SV2C: variants seen among roughly 807,000 people sequenced by gnomAD.
SV2C encodes synaptic vesicle glycoprotein 2C.
A neutral mutation model predicts 79.7 loss-of-function variants in SV2C; 49 were observed. The observed-to-expected ratio is 0.61, with a 90% CI of 0.49 to 0.78. SV2C has a LOEUF of 0.78. SV2C is among the 30% of genes least tolerant of loss of function. The pLI, the probability that SV2C is intolerant of heterozygous loss-of-function variation, is 0.00. For missense variants in SV2C, 833 were observed against 912.9 expected (o/e 0.91, Z 1.13); for synonymous variants, 334 against 333.2 (o/e 1.00, Z -0.03).
the SV2C span, among the ~76,000 whole-genome samples, chr5:75,947,960 T>G: frequency 5.3e-5 from 8 of 151,946 alleles, no homozygotes; most frequent in Non-Finnish European, 1.2e-4. Flanking sequence ...CGCTATTAAC[T>G]TAAAATGACT....
At chr5:76,049,015 G>GAA in the SV2C span, among the ~76,000 whole-genome samples, 6 of 90,358 alleles carry the variant, frequency 6.6e-5, no homozygotes, top group South Asian at 1.2e-3. Flanking sequence ...AAGAAAGAAA[G>GAA]AAAGAAAGAA....
chr5:76,195,997 C>G (rs961132361), intron 3 of SV2C, among the ~76,000 whole-genome samples: 1 of 151,886 alleles, frequency 6.6e-6, no homozygotes, highest in Non-Finnish European at 1.5e-5. Flanking sequence ...CAAAATGAAT[C>G]TGTAGGAATA....
the SV2C span, among the ~76,000 whole-genome samples, chr5:76,032,905 C>T: frequency 6.6e-6 from 1 of 152,160 alleles, no homozygotes; most frequent in Non-Finnish European, 1.5e-5. Flanking sequence ...CTCTCCAGCA[C>T]CTGTTGTTTC....
At chr5:76,219,919 G>A (rs902138885) in intron 4 of SV2C, among the ~76,000 whole-genome samples, 6 of 152,176 alleles carry the variant, frequency 3.9e-5, no homozygotes, top group African/African-American at 7.2e-5. Context: ...AGCTTTCTGT[G>A]TCCCAGGCAT....
chr5:75,946,002 G>A, the SV2C span, among the ~76,000 whole-genome samples: 4 of 148,514 alleles, frequency 2.7e-5, no homozygotes, highest in African/African-American at 1.0e-4. Flanking sequence ...AATAACCAAA[G>A]CTTCCACATA....
chr5:76,280,618 T>C (rs957024007), intron 4 of SV2C, among the ~76,000 whole-genome samples: 1 of 151,978 alleles, frequency 6.6e-6, no homozygotes, highest in African/African-American at 2.4e-5. Context: ...TCTGGAGAAG[T>C]CCAAGCAAAA....
the SV2C span, among the ~76,000 whole-genome samples, chr5:75,901,101 C>A: frequency 1.3e-5 from 2 of 152,226 alleles, no homozygotes; most frequent in East Asian, 3.8e-4. Flanking sequence ...AGTCATTCTC[C>A]GTCCAGCTTT....
rs1331885777 is a variant in SV2C at position 76,154,019 on chromosome 5, T to C, written c.580+21689T>C. Reference sequence around the variant, plus strand: ...GTAAGGAGACTCATCAGTGACCTGTTAGTAGTCATGGACTACAAGGTAAAG... The same window carrying C: ...GTAAGGAGACTCATCAGTGACCTGTCAGTAGTCATGGACTACAAGGTAAAG... On this transcript the variant is annotated intron_variant, in intron 2 of 12. Coordinates refer to ENST00000502798, the MANE Select transcript of SV2C (RefSeq NM_014979.4). 2.6e-5 allele frequency among the ~76,000 whole-genome samples: 4 copies of C among 152,204 alleles called. No individual in the cohort carries two copies. In the East Asian group the frequency reaches 7.7e-4, roughly 29 times the overall value.
the SV2C span, among the ~76,000 whole-genome samples, chr5:75,985,467 A>G: frequency 6.6e-6 from 1 of 151,968 alleles, no homozygotes; most frequent in East Asian, 1.9e-4. Context: ...TCACACCCAA[A>G]GCCTGTGCTC....
intron 2 of SV2C, among the ~76,000 whole-genome samples, chr5:76,145,706 GA>G (rs1239456006): frequency 6.6e-6 from 1 of 152,176 alleles, no homozygotes; most frequent in East Asian, 1.9e-4. Flanking sequence ...TTTCAGTGGG[GA>G]TGGGAGGGGT....
chr5:75,914,719 A>G, the SV2C span, among the ~76,000 whole-genome samples: 2 of 152,236 alleles, frequency 1.3e-5, no homozygotes, highest in Non-Finnish European at 1.5e-5. Flanking sequence ...AAATTGATCT[A>G]TCTTATAATG....
intron 12 of SV2C, among the ~76,000 whole-genome samples, chr5:76,307,886 T>A (rs1223995446): frequency 6.6e-6 from 1 of 152,194 alleles, no homozygotes; most frequent in Non-Finnish European, 1.5e-5. Flanking sequence ...TAGGGCTTTC[T>A]ATTTTTTCCA....
chr5:76,278,293 GGT>G (rs1485022448), intron 4 of SV2C, among the ~76,000 whole-genome samples: 7 of 152,036 alleles, frequency 4.6e-5, no homozygotes, highest in African/African-American at 1.7e-4. Context: ...GAGAGGGACA[GGT>G]AATATGTAAA....
intron 1 of SV2C, among the ~76,000 whole-genome samples, chr5:76,103,709 C>T (rs1222340063): frequency 1.3e-5 from 2 of 152,166 alleles, no homozygotes; most frequent in Non-Finnish European, 2.9e-5. Context: ...TGTTTGTATG[C>T]ATTATCTTAT....
At chr5:76,059,999 G>A in the SV2C span, among the ~76,000 whole-genome samples, 1 of 152,060 alleles carries the variant, frequency 6.6e-6, no homozygotes, top group African/African-American at 2.4e-5. Flanking sequence ...TTGTCAATGA[G>A]CAGTAACATT....
chr5:76,136,315 T>G lies in SV2C; in HGVS notation c.580+3985T>G, dbSNP rs375384309. On this transcript the variant is annotated intron_variant, in intron 2 of 12. Coordinates refer to ENST00000502798, the MANE Select transcript of SV2C (RefSeq NM_014979.4). ...ATAATTGAGACAGGGCCAGATTGCT[T>G]TGGGAAGAAACATGAATGTTGTTGA... Among the ~76,000 whole-genome samples, 22 of 152,252 alleles carry G rather than the reference T, an allele frequency of 1.4e-4. No individual in the cohort carries two copies. The East Asian group carries it at 4.0e-3, about 28-fold the overall frequency.
At chr5:76,306,161 C>T (rs1430764462) in intron 12 of SV2C, among the ~76,000 whole-genome samples, 2 of 152,220 alleles carry the variant, frequency 1.3e-5, no homozygotes, top group Non-Finnish European at 2.9e-5. Flanking sequence ...GATCCTCCCC[C>T]ATCAGCTTAC....
At chr5:75,883,332 C>T in the SV2C span, among the ~76,000 whole-genome samples, 2 of 144,368 alleles carry the variant, frequency 1.4e-5, no homozygotes, top group East Asian at 2.0e-4. Flanking sequence ...CCAGCTATCC[C>T]ATTACTGGGT....
Position 76,325,561 on chromosome 5 carries a change from C to T in SV2C, c.*14C>T. The T allele has an allele frequency of 1.9e-6, 3 of 1,612,540 alleles. No homozygotes were observed. Among genetic ancestry groups the T allele is most frequent in the Non-Finnish European group, 1.7e-6 (2 of 1,179,280 alleles). On this transcript the variant is annotated 3_prime_UTR_variant, in exon 13 of 13. Coordinates refer to ENST00000502798, the MANE Select transcript of SV2C (RefSeq NM_014979.4). ...GTTCTGATGTAATGGGAAAAAAAGCCATCCTTCCTGCGTTTCTTCCTCCTG... is the reference window on the plus strand; with the variant it reads ...GTTCTGATGTAATGGGAAAAAAAGCTATCCTTCCTGCGTTTCTTCCTCCTG...
Sources: allele counts gnomAD v4.1 joint callset (sites outside exome capture counted in the v4.1 genomes callset), GRCh38; gene constraint gnomAD v4.1.1; transcripts MANE v1.5; gene names NCBI Gene and HGNC (gene_info 2026-07-23, HGNC 2026-07-21).